MAPKAPK2: variants seen among roughly 807,000 people sequenced by gnomAD.
The protein encoded by MAPKAPK2 is MAPK activated protein kinase 2.
Under a neutral mutation model 48.8 loss-of-function variants are expected in MAPKAPK2, and 9 were observed. The observed-to-expected ratio is 0.18, with a 90% confidence interval of 0.11 to 0.32. MAPKAPK2 has a LOEUF of 0.32. Among genes scored for constraint, MAPKAPK2 ranks in the 10% least tolerant of loss-of-function variants. The pLI, the probability that MAPKAPK2 is intolerant of heterozygous loss-of-function variation, is 1.00. For synonymous variants in MAPKAPK2, 202 were observed against 190.6 expected, an observed-to-expected ratio of 1.06 and a Z score of -0.49; for missense variants, 331 against 498.3, an observed-to-expected ratio of 0.66 and a Z score of 3.20.
chr1:206,719,067 C>T (rs1301984879), intron 1 of MAPKAPK2, among the ~76,000 whole-genome samples: 2 of 152,104 alleles, frequency 1.3e-5, no homozygotes, highest in Admixed American at 6.5e-5. Context: ...TCCATTCAGC[C>T]ATCTGTGTTT....
At chr1:206,698,521 A>G (rs541671054) in intron 1 of MAPKAPK2, among the ~76,000 whole-genome samples, 2 of 152,358 alleles carry the variant, frequency 1.3e-5, no homozygotes, top group Admixed American at 6.5e-5. Flanking sequence ...TTGATACAAT[A>G]TAACAAATTT....
chr1:206,723,912 G>A (rs1385232103), intron 1 of MAPKAPK2, among the ~76,000 whole-genome samples: 1 of 152,242 alleles, frequency 6.6e-6, no homozygotes, highest in African/African-American at 2.4e-5. Flanking sequence ...TTGGCAGGGG[G>A]CCTTGCCTGT....
At position 206,685,007 on chromosome 1, in the gene MAPKAPK2, GGGGA is replaced by G; in HGVS notation, c.-211_-208del. ...GGTCCCCAGAGCGCCAGGCCCCCGG[GGGGA>G]GGGAGGGAGGGCGCCGGGCCGGTGG... On this transcript the variant is annotated 5_prime_UTR_variant, in exon 1 of 10. Transcript: ENST00000367103. The G allele has an allele frequency of 6.4e-6, 1 of 157,230 alleles. No individual in the cohort carries two copies. Among genetic ancestry groups the G allele is most frequent in the Non-Finnish European group, 1.4e-5 (1 of 72,280 alleles). The allele number at this position is 157,230 out of a possible 1,614,324, so 9.7% of individuals were successfully genotyped here.
At chr1:206,729,141 G>T in intron 3 of MAPKAPK2, 42 bp downstream of exon 3, 1 of 1,598,546 alleles carries the variant, frequency 6.3e-7, no homozygotes, top group Non-Finnish European at 8.6e-7. Context: ...GGCAGGCAGG[G>T]CAGTGGGGGT....
intron 1 of MAPKAPK2, among the ~76,000 whole-genome samples, chr1:206,700,903 C>T (rs1308681541): frequency 1.3e-5 from 2 of 152,166 alleles, no homozygotes; most frequent in East Asian, 3.8e-4. Flanking sequence ...GGTGTCAGGC[C>T]CTACTGCCCA....
chr1:206,692,506 G>C (rs1425186033), intron 1 of MAPKAPK2, among the ~76,000 whole-genome samples: 5 of 152,202 alleles, frequency 3.3e-5, no homozygotes, highest in Non-Finnish European at 7.3e-5. Context: ...GTGGGGTCCT[G>C]TGTGCTGGGC....
At chr1:206,709,564 A>G (rs1673074867) in intron 1 of MAPKAPK2, among the ~76,000 whole-genome samples, 1 of 152,106 alleles carries the variant, frequency 6.6e-6, no homozygotes, top group East Asian at 1.9e-4. Context: ...AATACCACAA[A>G]TCTAAGGTCA....
intron 1 of MAPKAPK2, among the ~76,000 whole-genome samples, chr1:206,722,851 C>T (rs1378910754): frequency 1.3e-5 from 2 of 152,248 alleles, no homozygotes; most frequent in Admixed American, 1.3e-4. Flanking sequence ...CCCGGGCCAG[C>T]CATCCTCCAT....
rs782310577 is a variant in MAPKAPK2, at chr1:206,732,054, A to G, written c.1059+135A>G. On this transcript the variant is annotated intron_variant, in intron 9 of 9. Coordinates refer to ENST00000367103, the MANE Select transcript of MAPKAPK2 (RefSeq NM_032960.4). This position sits in a 1 kb window ranked among gnomAD's most constrained non-coding sequence, Gnocchi z 4.4. Reference sequence around the variant, plus strand: ...TCATCCCAGGGGTGTCTTCATGACAAGAACAGCGACCAGGCCACTTGGCTG... The same window carrying G: ...TCATCCCAGGGGTGTCTTCATGACAGGAACAGCGACCAGGCCACTTGGCTG... 1.2e-6 allele frequency: 2 copies of G among 1,614,168 alleles called. No individual in the cohort carries two copies. The highest frequency in any genetic ancestry group is 1.1e-5 in the South Asian group (1 of 91,086).
At chr1:206,708,910 G>A (rs560735763) in intron 1 of MAPKAPK2, among the ~76,000 whole-genome samples, 162 of 152,262 alleles carry the variant, frequency 1.1e-3, no homozygotes, top group South Asian at 3.7e-3. Flanking sequence ...TCATCTGCAT[G>A]GTGACATGTA....
intron 1 of MAPKAPK2, among the ~76,000 whole-genome samples, chr1:206,687,183 A>C (rs1394801161): frequency 6.6e-6 from 1 of 152,140 alleles, no homozygotes; most frequent in East Asian, 1.9e-4. Context: ...ATTCTCTTGG[A>C]TATTTGGAAT....
intron 1 of MAPKAPK2, among the ~76,000 whole-genome samples, chr1:206,690,242 A>G (rs1388261702): frequency 1.3e-5 from 2 of 152,198 alleles, no homozygotes; most frequent in Non-Finnish European, 1.5e-5. Flanking sequence ...GGTTTCAGAG[A>G]TCCTGTCCCT....
intron 1 of MAPKAPK2, among the ~76,000 whole-genome samples, chr1:206,708,990 G>C (rs1462582890): frequency 6.6e-6 from 1 of 152,214 alleles, no homozygotes; most frequent in African/African-American, 2.4e-5. Flanking sequence ...CCATTCCCCT[G>C]TTGATGGACA....
chr1:206,693,425 A>G (rs1553426551), intron 1 of MAPKAPK2, among the ~76,000 whole-genome samples: 1 of 151,904 alleles, frequency 6.6e-6, no homozygotes, highest in Non-Finnish European at 1.5e-5. Flanking sequence ...GTGCTGGGAG[A>G]CGTGCTATGG....
In MAPKAPK2 at chr1:206,685,270, T is replaced by TACCCCC; in HGVS notation, c.41_42insACCCCC (p.Phe14delinsLeuProPro). On this transcript the variant is annotated protein_altering_variant, in exon 1 of 10. Transcript: ENST00000367103. Reference sequence around the variant, plus strand: ...CAGGGCCAGAGCCCGCCGGTGCCGTTCCCCGCCCCGGCCCCGCCGCCGCAG... The same window carrying TACCCCC: ...CAGGGCCAGAGCCCGCCGGTGCCGTTACCCCCCCCCGCCCCGGCCCCGCCGCCGCAG... 4 of 566,976 alleles carry TACCCCC rather than the reference T, an allele frequency of 7.1e-6. No homozygotes were observed. Among genetic ancestry groups the TACCCCC allele is most frequent in the Non-Finnish European group, 7.9e-6 (3 of 379,586 alleles). The allele number at this position is 566,976 out of a possible 1,614,324, so 35.1% of individuals were successfully genotyped here.
intron 1 of MAPKAPK2, among the ~76,000 whole-genome samples, chr1:206,714,662 G>T (rs1673269812): frequency 6.6e-6 from 1 of 151,214 alleles, no homozygotes; most frequent in Non-Finnish European, 1.5e-5. Flanking sequence ...CCACTCGGGA[G>T]GCTGAGGTGG....
At position 206,712,520 on chromosome 1, in the gene MAPKAPK2, C is replaced by T. The variant is rs141277185; in HGVS notation, c.280-16190C>T. Among the ~76,000 whole-genome samples, 1,278 of 152,158 alleles carry T rather than the reference C, an allele frequency of 8.4e-3. 14 individuals carry two copies. Among genetic ancestry groups the T allele is most frequent in the African/African-American group, 0.03 (1,240 of 41,510 alleles). On this transcript the variant is annotated intron_variant, in intron 1 of 9. Coordinates refer to ENST00000367103, the MANE Select transcript of MAPKAPK2 (RefSeq NM_032960.4). Reference sequence around the variant, plus strand: ...TTGTTGTTGTTGTTGTTAGTTTTGGCGTATATTTTCTCCTACTGTAATCTT... The same window carrying T: ...TTGTTGTTGTTGTTGTTAGTTTTGGTGTATATTTTCTCCTACTGTAATCTT...
chr1:206,725,478 GAATGC>G (rs1673674788), intron 1 of MAPKAPK2, among the ~76,000 whole-genome samples: 1 of 152,172 alleles, frequency 6.6e-6, no homozygotes, highest in South Asian at 2.1e-4. Context: ...TGACAGTGAT[GAATGC>G]CTTTCTGATA....
At chr1:206,694,943 A>G (rs1449403831) in intron 1 of MAPKAPK2, among the ~76,000 whole-genome samples, 1 of 152,202 alleles carries the variant, frequency 6.6e-6, no homozygotes, top group Non-Finnish European at 1.5e-5. Context: ...AGACACGCCA[A>G]GTGCTGTCAT....
Sources: allele counts gnomAD v4.1 joint callset (sites outside exome capture counted in the v4.1 genomes callset), GRCh38; gene constraint gnomAD v4.1.1; non-coding constraint Gnocchi (gnomAD v3.1); transcripts MANE v1.5; gene names NCBI Gene and HGNC (gene_info 2026-07-23, HGNC 2026-07-21).